ENPP2: variants seen among roughly 807,000 people sequenced by gnomAD.
The protein encoded by ENPP2 is autotaxin.
In ENPP2, 51 loss-of-function variants were observed where a neutral mutation model predicts 120.2. The observed-to-expected ratio is 0.42, with a 90% CI of 0.34 to 0.54. The LOEUF (loss-of-function observed/expected upper bound fraction) is 0.54, where lower values mean the gene tolerates loss of function less well. Among genes scored for constraint, ENPP2 ranks in the 20% least tolerant of loss-of-function variants. ENPP2 has a pLI of 0.04. For missense variants in ENPP2, 920 were observed against 1,066.5 expected (o/e 0.86, Z 1.91); for synonymous variants, 365 against 366.4 (o/e 1.00, Z 0.04).
chr8:119,630,041 T>C (rs1015512412), intron 2 of ENPP2, among the ~76,000 whole-genome samples: 14 of 152,294 alleles, frequency 9.2e-5, no homozygotes, highest in African/African-American at 3.4e-4. Context: ...GCGGTGTTCC[T>C]GCATGCATTT....
At chr8:119,571,182 G>A (rs553845472) in intron 19 of ENPP2, 1 of 163,570 alleles carries the variant, frequency 6.1e-6, no homozygotes, top group East Asian at 1.7e-4. Context: ...AATAGGATTG[G>A]ATTTCTGTAG....
At chr8:119,642,870 TAAC>T (rs1314987408), upstream of ENPP2, among the ~76,000 whole-genome samples, 1 of 152,342 alleles carries the variant, frequency 6.6e-6, no homozygotes, top group South Asian at 2.1e-4. Flanking sequence ...GGCTTGAGGT[TAAC>T]AGTGAGATTT....
chr8:119,572,082 A>T (rs1043732152), intron 19 of ENPP2: 7 of 804,580 alleles, frequency 8.7e-6, no homozygotes, highest in Admixed American at 5.2e-5. Flanking sequence ...AAATAAATGA[A>T]ATATAATAAA....
At chr8:119,598,946 G>T (rs1814091612) in intron 11 of ENPP2, among the ~76,000 whole-genome samples, 1 of 152,126 alleles carries the variant, frequency 6.6e-6, no homozygotes, top group South Asian at 2.1e-4. Context: ...GGTTCTTTGA[G>T]GGGATGCTAT....
intron 24 of ENPP2, among the ~76,000 whole-genome samples, chr8:119,562,459 A>T (rs1029618461): frequency 7.2e-5 from 11 of 152,148 alleles, no homozygotes; most frequent in African/African-American, 2.7e-4. Context: ...TTAATATGGA[A>T]ATTTTTAAAC....
chr8:119,635,598 C>T (rs898240071), intron 2 of ENPP2, among the ~76,000 whole-genome samples: 1 of 152,170 alleles, frequency 6.6e-6, no homozygotes, highest in African/African-American at 2.4e-5. Context: ...AAAAAGATGT[C>T]AAACTAAATC....
intron 1 of ENPP2, among the ~76,000 whole-genome samples, chr8:119,659,925 G>A (rs1817874045): frequency 6.6e-6 from 1 of 152,174 alleles, no homozygotes; most frequent in Non-Finnish European, 1.5e-5. Flanking sequence ...ACAATAATAA[G>A]AGGTTCAGGG....
intron 24 of ENPP2, 139 bp downstream of exon 24, chr8:119,562,718 C>A: frequency 2.5e-6 from 2 of 805,766 alleles, no homozygotes; most frequent in Non-Finnish European, 3.8e-6. Context: ...AAGCAAAGTT[C>A]TGTTTGGTTC....
chr8:119,641,247 G>C (rs190557832), upstream of ENPP2, among the ~76,000 whole-genome samples: 6 of 151,284 alleles, frequency 4.0e-5, no homozygotes, highest in African/African-American at 1.2e-4. Flanking sequence ...GAATGACCAA[G>C]ATGACCAAAG....
intron 10 of ENPP2, 26 bp downstream of exon 10, chr8:119,601,371 G>C (rs1814294127): frequency 6.8e-7 from 1 of 1,468,354 alleles, no homozygotes; most frequent in African/African-American, 1.4e-5. Flanking sequence ...ATGTACTGAA[G>C]AAAGAAGAAA....
At chr8:119,593,192 C>T (rs1458620689) in intron 12 of ENPP2, among the ~76,000 whole-genome samples, 1 of 152,114 alleles carries the variant, frequency 6.6e-6, no homozygotes, top group African/African-American at 2.4e-5. Context: ...AAAACTACTT[C>T]CTATAATGCT....
chr8:119,587,005 C>T (rs921044), intron 14 of ENPP2, 39 bp downstream of exon 14: 135,095 of 1,596,050 alleles, frequency 0.085, 6,519 homozygotes, highest in South Asian at 0.16. Context: ...GGGGCAGAGG[C>T]CTGGGCAGGG....
At chr8:119,579,565 T>A (rs76704714) in intron 19 of ENPP2, among the ~76,000 whole-genome samples, 1 of 37,404 alleles carries the variant, frequency 2.7e-5, no homozygotes, top group Non-Finnish European at 4.5e-5. Context: ...AAATCACTAA[T>A]TTTTTTTTTT....
chr8:119,598,754 T>C (rs1351061913), intron 11 of ENPP2, among the ~76,000 whole-genome samples: 2 of 152,226 alleles, frequency 1.3e-5, no homozygotes, highest in African/African-American at 4.8e-5. Context: ...AGTTATTAAC[T>C]GACCACTTTG....
chr8:119,631,481 G>T (rs1022129822), intron 2 of ENPP2, among the ~76,000 whole-genome samples: 1 of 152,078 alleles, frequency 6.6e-6, no homozygotes, highest in Admixed American at 6.5e-5. Context: ...CTTCCAAAGT[G>T]CTGGGATTAC....
chr8:119,605,096 G>C (rs1051287290), intron 9 of ENPP2, among the ~76,000 whole-genome samples: 11 of 151,970 alleles, frequency 7.2e-5, no homozygotes, highest in Admixed American at 5.9e-4. Context: ...TTTTGAGACA[G>C]GGTCTCACTC....
rs1817139162 is a variant in ENPP2, at chr8:119,638,455, C to T, written c.106G>A (p.Ala36Thr). 1 of 1,608,190 alleles carries T rather than the reference C, an allele frequency of 6.2e-7. No homozygotes were observed. Among genetic ancestry groups the T allele is most frequent in the South Asian group, 1.1e-5 (1 of 90,948 alleles). Reference sequence around the variant, plus strand: ...GGAGGACCTTCCTCCCATCCTTCTGCTCTCTTAATTCGATGTGCAGTGAAT... The same window carrying T: ...GGAGGACCTTCCTCCCATCCTTCTGTTCTCTTAATTCGATGTGCAGTGAAT... ...LGFTAHRIKR[A>T]EGWEEGPPTV... The change falls in exon 2 of 25, where the codon GCA becomes ACA. Residue 36 changes from alanine to threonine, a missense_variant. Coordinates refer to ENST00000075322, the MANE Select transcript of ENPP2 (RefSeq NM_001040092.3).
chr8:119,658,665 C>T (rs2130890439), intron 1 of ENPP2, among the ~76,000 whole-genome samples: 1 of 152,240 alleles, frequency 6.6e-6, no homozygotes, highest in East Asian at 1.9e-4. Context: ...TCCCATTCAT[C>T]CTTCTCTCCC....
In ENPP2 at chr8:119,569,278, G is replaced by A; in HGVS notation, c.2010C>T (p.Tyr670=). ...CGTAGGACATCTGCTTATCATTTTTGTAGGCCAAACAGTTCTGACTGAAAC... is the reference window on the plus strand; with the variant it reads ...CGTAGGACATCTGCTTATCATTTTTATAGGCCAAACAGTTCTGACTGAAAC... ...SPSFSQNCLA[Y]KNDKQMSYGF... is the part of the protein sequence containing the mutation. The change falls in exon 21 of 25, where the codon TAC becomes TAT. Residue 670 remains tyrosine (Y), a synonymous_variant. Coordinates refer to ENST00000075322, the MANE Select transcript of ENPP2 (RefSeq NM_001040092.3). 2 of 1,614,010 alleles carry A rather than the reference G, an allele frequency of 1.2e-6. No individual in the cohort carries two copies. The highest frequency in any genetic ancestry group is 1.7e-6 in the Non-Finnish European group (2 of 1,179,930).
Sources: gnomAD v4.1 joint callset for allele counts (sites outside exome capture counted in the v4.1 genomes callset) on GRCh38, gnomAD v4.1.1 for gene constraint, MANE v1.5 for transcripts, NCBI Gene and HGNC (gene_info 2026-07-23, HGNC 2026-07-21) for gene names.